The following DLC1 variants were observed in gnomAD, a reference collection of about 807,000 sequenced individuals.
DLC1 encodes DLC1 Rho GTPase activating protein, also known as rho GTPase-activating protein 7.
In DLC1, 54 loss-of-function variants were observed where a neutral mutation model predicts 140.3. The ratio of observed to expected loss-of-function variants is 0.38; its 90% CI spans 0.31 to 0.48. The LOEUF (loss-of-function observed/expected upper bound fraction) is 0.48, where lower values mean the gene tolerates loss of function less well. Ranked by LOEUF, DLC1 falls within the 20% of genes least tolerant of loss-of-function variation. DLC1 has a pLI of 0.96. For missense variants in DLC1, 2,536 were observed against 1,907.0 expected, an observed-to-expected ratio of 1.33 and a Z score of -6.14; for synonymous variants, 986 against 728.1, an observed-to-expected ratio of 1.35 and a Z score of -5.70.
chr8:13,258,541 C>G (rs1272101177), intron 5 of DLC1, among the ~76,000 whole-genome samples: 1 of 152,184 alleles, frequency 6.6e-6, no homozygotes, highest in Admixed American at 6.5e-5. Context: ...GAATTAAGCT[C>G]ACATCCACAT....
intron 5 of DLC1, among the ~76,000 whole-genome samples, chr8:13,254,976 C>A (rs199660233): frequency 7.1e-6 from 1 of 140,260 alleles, no homozygotes; most frequent in Middle Eastern, 3.6e-3. Context: ...CTTTTTTTTT[C>A]TTTTTTCTTA....
chr8:13,088,430 G>A (rs1051554835), intron 16 of DLC1, 57 bp downstream of exon 16: 2 of 1,565,904 alleles, frequency 1.3e-6, no homozygotes, highest in East Asian at 4.5e-5. Context: ...TGACATATAG[G>A]CTTGGTTCAT....
intron 5 of DLC1, among the ~76,000 whole-genome samples, chr8:13,287,463 A>G (rs1451325004): frequency 6.6e-6 from 1 of 152,218 alleles, no homozygotes; most frequent in Non-Finnish European, 1.5e-5. Context: ...TAGTTTGGAA[A>G]ACCCTGCTCT....
intron 2 of DLC1, among the ~76,000 whole-genome samples, chr8:13,432,846 G>C (rs900898596): frequency 6.6e-6 from 1 of 152,064 alleles, no homozygotes; most frequent in Non-Finnish European, 1.5e-5. Flanking sequence ...CAAGGAGCTG[G>C]CCTGAGAAGG....
chr8:13,325,495 G>C (rs11988159), intron 4 of DLC1, among the ~76,000 whole-genome samples: 1 of 151,812 alleles, frequency 6.6e-6, no homozygotes, highest in African/African-American at 2.4e-5. Flanking sequence ...ATCTCACAGA[G>C]TCATGTATGC....
intron 2 of DLC1, among the ~76,000 whole-genome samples, chr8:13,417,608 G>C (rs541418621): frequency 1.3e-4 from 19 of 151,946 alleles, no homozygotes; most frequent in Admixed American, 2.6e-4. Context: ...TCCAGTCTAT[G>C]ATTGTTGGAC....
intron 5 of DLC1, among the ~76,000 whole-genome samples, chr8:13,216,636 C>A (rs781137339): frequency 6.6e-6 from 1 of 152,168 alleles, no homozygotes; most frequent in African/African-American, 2.4e-5. Context: ...CCTCCTCTTT[C>A]TCTGAAATAC....
At chr8:13,366,580 T>A (rs1835491467) in intron 4 of DLC1, among the ~76,000 whole-genome samples, 1 of 152,320 alleles carries the variant, frequency 6.6e-6, no homozygotes, top group East Asian at 1.9e-4. Flanking sequence ...ACTTCAGTGT[T>A]CTTGTTCCCA....
intron 4 of DLC1, among the ~76,000 whole-genome samples, chr8:13,319,537 C>G (rs1484353226): frequency 6.7e-6 from 1 of 150,170 alleles, no homozygotes; most frequent in East Asian, 2.0e-4. Context: ...CTTACAAAAT[C>G]TGGTTGTTTA....
chr8:13,443,614 C>T (rs183750503), intron 2 of DLC1, among the ~76,000 whole-genome samples: 10 of 146,316 alleles, frequency 6.8e-5, no homozygotes, highest in African/African-American at 2.3e-4. Context: ...GCCAAGATCG[C>T]GCCACTGCAC....
At chr8:13,127,249 C>A (rs142764065) in intron 5 of DLC1, among the ~76,000 whole-genome samples, 1 of 152,206 alleles carries the variant, frequency 6.6e-6, no homozygotes, top group Non-Finnish European at 1.5e-5. Context: ...CAGGTTCCTA[C>A]AAACAACTTA....
At chr8:13,531,570 G>T (rs1192530670) in intron 1 of DLC1, among the ~76,000 whole-genome samples, 12 of 151,868 alleles carry the variant, frequency 7.9e-5, no homozygotes, top group Non-Finnish European at 1.8e-4. Flanking sequence ...TGGGCGACAG[G>T]GTGAGACTGT....
At chr8:13,419,436 T>A (rs1294638813) in intron 2 of DLC1, among the ~76,000 whole-genome samples, 2 of 152,324 alleles carry the variant, frequency 1.3e-5, no homozygotes, top group Middle Eastern at 3.4e-3. Context: ...GTTGTTGAAT[T>A]TTGTCAAAGG....
At chr8:13,465,905 C>T (rs947056516) in intron 2 of DLC1, among the ~76,000 whole-genome samples, 1 of 152,056 alleles carries the variant, frequency 6.6e-6, no homozygotes, top group Non-Finnish European at 1.5e-5. Flanking sequence ...ACTTTGTCAC[C>T]CTTGACACAG....
chr8:13,144,858 C>A (rs761986063), intron 5 of DLC1, among the ~76,000 whole-genome samples: 1 of 152,190 alleles, frequency 6.6e-6, no homozygotes, highest in Non-Finnish European at 1.5e-5. Context: ...TTGACTAATA[C>A]AGACCCCTAA....
At chr8:13,438,785 G>A (rs970053990) in intron 2 of DLC1, among the ~76,000 whole-genome samples, 1 of 152,054 alleles carries the variant, frequency 6.6e-6, no homozygotes, top group African/African-American at 2.4e-5. Flanking sequence ...CAAAACAGCC[G>A]CCTCCTTTCC....
intron 4 of DLC1, among the ~76,000 whole-genome samples, chr8:13,377,773 A>C (rs1836067254): frequency 6.6e-6 from 1 of 152,046 alleles, no homozygotes. Flanking sequence ...GGAACATTGG[A>C]GGCACAAATC....
chr8:13,208,206 C>G (rs991266684), intron 5 of DLC1, among the ~76,000 whole-genome samples: 14 of 152,024 alleles, frequency 9.2e-5, no homozygotes, highest in African/African-American at 4.8e-5. Flanking sequence ...TTTAAAACAT[C>G]AGGATTTCAT....
Position 13,099,686 on chromosome 8 carries a change from C to G in DLC1, c.2651G>C (p.Gly884Ala). Residue 884 changes from glycine (G) to alanine (A), a missense_variant, in exon 9 of 18, where the codon GGC becomes GCC. By Grantham distance (60) the Gly-to-Ala change is moderately conservative (BLOSUM62 0). Coordinates refer to ENST00000276297, the MANE Select transcript of DLC1 (RefSeq NM_182643.3). The part of the protein sequence containing the change: ...SRLSIYDNVP[G>A]SILYSSSGDL... The stretch of plus-strand genomic sequence containing the variant: ...CCCTGAACTGGAGTAGAGGATGGAG[C>G]CCGGCACGTTGTCGTAGATGCTCAG... 1 of 1,614,186 alleles carries G rather than the reference C, an allele frequency of 6.2e-7. No individual in the cohort carries two copies. The highest frequency in any genetic ancestry group is 1.3e-5 in the African/African-American group (1 of 75,054).
Sources: allele counts gnomAD v4.1 joint callset (sites outside exome capture counted in the v4.1 genomes callset), GRCh38; gene constraint gnomAD v4.1.1; transcripts MANE v1.5; gene names NCBI Gene and HGNC (gene_info 2026-07-23, HGNC 2026-07-21).